The following ZNF469 variants were observed in gnomAD, a reference collection of about 807,000 sequenced individuals.
ZNF469 encodes the protein zinc finger protein 469.
ZNF469 carries 1 observed loss-of-function variant against 1.0 expected under a neutral mutation model. That is an observed-to-expected ratio of 1.00 (90% CI 0.35 to 4.73). ZNF469 has a LOEUF of 4.73. ZNF469 is among the 30% of genes most tolerant of loss of function. The pLI is 0.16. For missense variants in ZNF469, 6,100 were observed against 5,356.3 expected (o/e 1.14, Z -4.33); for synonymous variants, 2,703 against 2,363.4 (o/e 1.14, Z -4.17).
chr16:88,433,937 G>A lies in ZNF469; in HGVS notation c.6467G>A (p.Cys2156Tyr). The change falls in exon 3 of 3, where the codon TGC (cysteine) becomes TAC (tyrosine). Residue 2156 changes from cysteine (C) to tyrosine (Y), a missense_variant. Coordinates refer to ENST00000565624, the MANE Select transcript of ZNF469 (RefSeq NM_001367624.2). ...GGGCAGCTGCCAGCATCTCCGTCCT[G>A]CAGGGACCCTCCCGGCCCCCAGCAG... ...LGGQLPASPS[C>Y]RDPPGPQQLL... 6.5e-7 allele frequency: 1 copy of A among 1,550,134 alleles called. No homozygotes were observed. The highest frequency in any genetic ancestry group is 8.7e-7 in the Non-Finnish European group (1 of 1,146,906).
chr16:88,382,161 C>G (rs1043269365), upstream of ZNF469, among the ~76,000 whole-genome samples: 4 of 152,246 alleles, frequency 2.6e-5, no homozygotes, highest in African/African-American at 9.6e-5. Flanking sequence ...AACGCTGCAC[C>G]CCTGCCCTTG....
the ZNF469 span, among the ~76,000 whole-genome samples, chr16:88,376,392 G>A: frequency 6.6e-6 from 1 of 152,248 alleles, no homozygotes; most frequent in Non-Finnish European, 1.5e-5. Context: ...GGGTGAGAGG[G>A]GGAGGGAAGC....
chr16:88,337,709 G>A, the ZNF469 span, among the ~76,000 whole-genome samples: 2 of 152,142 alleles, frequency 1.3e-5, no homozygotes, highest in Non-Finnish European at 2.9e-5. Context: ...GCCACCCCAC[G>A]GGCGTCAGGG....
At chr16:88,226,862 G>A in the ZNF469 span, among the ~76,000 whole-genome samples, 6 of 152,058 alleles carry the variant, frequency 3.9e-5, no homozygotes, top group Non-Finnish European at 8.8e-5. Flanking sequence ...CAAAGCAAAG[G>A]GCGTGTGGGA....
the ZNF469 span, among the ~76,000 whole-genome samples, chr16:88,201,840 G>T: frequency 6.6e-6 from 1 of 152,248 alleles, no homozygotes; most frequent in Admixed American, 6.5e-5. This position sits in a 1 kb window ranked among gnomAD's most constrained non-coding sequence, Gnocchi z 5.0. Context: ...CTGCTGGCAG[G>T]GGTGGGGGAG....
the ZNF469 span, among the ~76,000 whole-genome samples, chr16:88,312,425 G>T: frequency 1.3e-5 from 2 of 152,106 alleles, no homozygotes; most frequent in African/African-American, 4.8e-5. Context: ...TCTTTTTGTT[G>T]TTTCTTTAAT....
At chr16:88,131,658 T>C in the ZNF469 span, among the ~76,000 whole-genome samples, 3 of 152,328 alleles carry the variant, frequency 2.0e-5, no homozygotes, top group African/African-American at 7.2e-5. Context: ...GCTGGGGCGC[T>C]CCTGGACCCC....
Position 88,438,437 on chromosome 16 carries a change from T to C in ZNF469, c.10967T>C (p.Val3656Ala), listed in dbSNP as rs1320653076. 1 of 1,549,896 alleles carries C rather than the reference T, an allele frequency of 6.5e-7. No homozygotes were observed. Among genetic ancestry groups the C allele is most frequent in the Non-Finnish European group, 8.7e-7 (1 of 1,146,930 alleles). Residue 3656 changes from valine (V) to alanine (A), a missense_variant, in exon 3 of 3, where the codon GTG (valine) becomes GCG (alanine). By Grantham distance (64) the Val-to-Ala change is moderately conservative. Coordinates refer to ENST00000565624, the MANE Select transcript of ZNF469 (RefSeq NM_001367624.2). ...KEKEVSSSHM[V>A]SEGGPRGAFH... ...AAGGAGGTGTCCTCAAGCCACATGG[T>C]GTCTGAGGGGGGGCCCCGAGGCGCC...
the ZNF469 span, among the ~76,000 whole-genome samples, chr16:88,351,068 T>G: frequency 6.6e-6 from 1 of 152,224 alleles, no homozygotes; most frequent in Non-Finnish European, 1.5e-5. Flanking sequence ...CCTGGACACC[T>G]GCTGTGACCT....
the ZNF469 span, among the ~76,000 whole-genome samples, chr16:88,192,519 C>G: frequency 2.0e-5 from 3 of 149,930 alleles, no homozygotes; most frequent in East Asian, 2.1e-4. Context: ...CAACACCTTA[C>G]TGGGTCTCAA....
chr16:88,230,787 C>T, the ZNF469 span, among the ~76,000 whole-genome samples: 1 of 152,182 alleles, frequency 6.6e-6, no homozygotes, highest in Non-Finnish European at 1.5e-5. Context: ...GTCCCGCAGT[C>T]CCCACCCGCT....
chr16:88,123,595 G>T, the ZNF469 span, among the ~76,000 whole-genome samples: 2 of 152,156 alleles, frequency 1.3e-5, no homozygotes, highest in Non-Finnish European at 2.9e-5. Context: ...TAATTGCGGG[G>T]CCACGTGGTG....
the ZNF469 span, among the ~76,000 whole-genome samples, chr16:88,105,365 T>C: frequency 6.7e-6 from 1 of 149,630 alleles, no homozygotes; most frequent in African/African-American, 2.5e-5. Flanking sequence ...AGTGTAATGG[T>C]GCAATCTTGG....
chr16:88,226,362 C>G, the ZNF469 span, among the ~76,000 whole-genome samples: 2 of 152,006 alleles, frequency 1.3e-5, no homozygotes, highest in African/African-American at 4.8e-5. Context: ...AGGGGAGAGG[C>G]CACGTGCAGC....
At chr16:88,240,852 C>G in the ZNF469 span, among the ~76,000 whole-genome samples, 1 of 152,128 alleles carries the variant, frequency 6.6e-6, no homozygotes, top group South Asian at 2.1e-4. Context: ...CCAGCTGACG[C>G]CAGGGACCCT....
At chr16:88,127,183 C>T in the ZNF469 span, among the ~76,000 whole-genome samples, 4 of 152,086 alleles carry the variant, frequency 2.6e-5, no homozygotes, top group African/African-American at 4.8e-5. Context: ...GCCGTGCTCA[C>T]GAGGGCCTTG....
Position 88,437,802 on chromosome 16 carries a change from G to T in ZNF469, c.10332G>T (p.Gly3444=). ...ACATGAACAAGCACCTCAGGGGGGG[G>T]CGGCAGCCCTTCGCGTTCCGCGGCG... is the stretch of plus-strand genomic sequence containing the variant. ...DRHMNKHLRG[G]RQPFAFRGVR... is the part of the protein sequence containing the mutation. The change falls in exon 3 of 3, where the codon GGG becomes GGT. Residue 3444 remains glycine, a synonymous_variant. Coordinates refer to ENST00000565624, the MANE Select transcript of ZNF469 (RefSeq NM_001367624.2). 1.3e-6 allele frequency: 2 copies of T among 1,545,254 alleles called. No individual in the cohort carries two copies. The highest frequency in any genetic ancestry group is 8.7e-7 in the Non-Finnish European group (1 of 1,143,150).
At chr16:88,246,033 A>T in the ZNF469 span, among the ~76,000 whole-genome samples, 2 of 152,284 alleles carry the variant, frequency 1.3e-5, no homozygotes, top group African/African-American at 4.8e-5. Context: ...TTTATTGGAC[A>T]CAGGAAGGTC....
rs1271935991 is a variant in ZNF469 at position 88,424,194 on chromosome 16, T to A, written c.-191-613T>A. 6.6e-6 allele frequency among the ~76,000 whole-genome samples: 1 copy of A among 152,218 alleles called. No homozygotes were observed. Among genetic ancestry groups the A allele is most frequent in the East Asian group, 1.9e-4 (1 of 5,196 alleles). Reference sequence around the variant, plus strand: ...AGGTCTGGGTGCTCTGCAGCCTGGATGCGAGGACGAGTGGACAGAGAGTGA... The same window carrying A: ...AGGTCTGGGTGCTCTGCAGCCTGGAAGCGAGGACGAGTGGACAGAGAGTGA... On this transcript the variant is annotated intron_variant, in intron 1 of 2. Transcript: ENST00000565624. The surrounding 1 kb of genome is among the most constrained non-coding windows in gnomAD (Gnocchi z 4.3).
Sources: gnomAD v4.1 joint callset for allele counts (sites outside exome capture counted in the v4.1 genomes callset) on GRCh38, gnomAD v4.1.1 for gene constraint, Gnocchi (gnomAD v3.1) non-coding constraint, MANE v1.5 for transcripts, NCBI Gene and HGNC (gene_info 2026-07-23, HGNC 2026-07-21) for gene names.